NRXN3: variants seen among roughly 807,000 people sequenced by gnomAD.
The protein encoded by NRXN3 is neurexin 3.
Under a neutral mutation model 137.6 loss-of-function variants are expected in NRXN3, and 32 were observed. The ratio of observed to expected loss-of-function variants is 0.23; its 90% CI spans 0.18 to 0.31. NRXN3 has a LOEUF of 0.31. Among genes scored for constraint, NRXN3 ranks in the 10% least tolerant of loss-of-function variants. The pLI is 1.00. For synonymous variants in NRXN3, 798 were observed against 784.5 expected (o/e 1.02, Z -0.29); for missense variants, 1,574 against 2,062.5 (o/e 0.76, Z 4.59).
chr14:79,256,833 C>CCT (rs1431026071), intron 15 of NRXN3, among the ~76,000 whole-genome samples: 2 of 152,138 alleles, frequency 1.3e-5, no homozygotes, highest in African/African-American at 4.8e-5. Context: ...AGTAGGCAGA[C>CCT]CTCTGTTAAG....
chr14:78,206,772 G>T (rs1459641832), intron 1 of NRXN3, among the ~76,000 whole-genome samples: 1 of 152,200 alleles, frequency 6.6e-6, no homozygotes, highest in African/African-American at 2.4e-5. Flanking sequence ...CCAAACTGTG[G>T]CTCAAAGTGG....
chr14:79,751,087 G>T (rs2098995939), intron 19 of NRXN3, among the ~76,000 whole-genome samples: 1 of 151,996 alleles, frequency 6.6e-6, no homozygotes, highest in Non-Finnish European at 1.5e-5. Flanking sequence ...CTTTAAAGTA[G>T]TTTTTTCCAA....
At chr14:78,348,390 C>T (rs2083028036) in intron 4 of NRXN3, among the ~76,000 whole-genome samples, 1 of 152,168 alleles carries the variant, frequency 6.6e-6, no homozygotes, top group African/African-American at 2.4e-5. Flanking sequence ...TTAGTTTACT[C>T]TTTCAAGGGC....
intron 19 of NRXN3, among the ~76,000 whole-genome samples, chr14:79,717,280 C>G (rs2154058125): frequency 6.6e-6 from 1 of 152,300 alleles, no homozygotes; most frequent in East Asian, 1.9e-4. Context: ...CATGCTGACT[C>G]CAAAAGAACC....
intron 15 of NRXN3, among the ~76,000 whole-genome samples, chr14:79,265,621 T>C (rs2078346188): frequency 6.6e-6 from 1 of 152,184 alleles, no homozygotes; most frequent in African/African-American, 2.4e-5. Context: ...CCCAATAGCA[T>C]ACTGTCCTTT....
At chr14:78,576,686 G>A (rs7159049) in intron 4 of NRXN3, among the ~76,000 whole-genome samples, 10,741 of 152,158 alleles carry the variant, frequency 0.071, 655 homozygotes, top group African/African-American at 0.16. Context: ...ACATCACAAA[G>A]CAAATCATGT....
At chr14:78,635,988 T>C (rs1489716282) in intron 4 of NRXN3, among the ~76,000 whole-genome samples, 1 of 152,144 alleles carries the variant, frequency 6.6e-6, no homozygotes, top group Non-Finnish European at 1.5e-5. Context: ...CTATTATCCC[T>C]CCAGTCACAG....
chr14:79,220,755 A>G (rs573871243), intron 15 of NRXN3, among the ~76,000 whole-genome samples: 15 of 151,866 alleles, frequency 9.9e-5, no homozygotes, highest in Non-Finnish European at 1.9e-4. Flanking sequence ...TAATATATAC[A>G]TATATATTTT....
At chr14:78,578,059 T>C (rs1027704690) in intron 4 of NRXN3, among the ~76,000 whole-genome samples, 12 of 152,268 alleles carry the variant, frequency 7.9e-5, no homozygotes, top group South Asian at 4.2e-4. Context: ...TATATATATA[T>C]ACACACATAT....
At chr14:78,825,535 A>G (rs1022550464) in intron 10 of NRXN3, among the ~76,000 whole-genome samples, 7 of 152,248 alleles carry the variant, frequency 4.6e-5, no homozygotes, top group African/African-American at 1.7e-4. Flanking sequence ...TATGTTTTCC[A>G]TACCAGCATC....
At chr14:79,437,078 G>A (rs577351807) in intron 15 of NRXN3, among the ~76,000 whole-genome samples, 7 of 152,096 alleles carry the variant, frequency 4.6e-5, no homozygotes, top group East Asian at 1.9e-4. Context: ...AGGCCCTTCC[G>A]AATCTATCTC....
chr14:78,299,784 C>T (rs187341516), intron 4 of NRXN3, among the ~76,000 whole-genome samples: 10 of 152,178 alleles, frequency 6.6e-5, no homozygotes, highest in South Asian at 4.2e-4. Context: ...AACCATGCTC[C>T]GGGGGAATAA....
intron 15 of NRXN3, among the ~76,000 whole-genome samples, chr14:79,335,910 C>CT (rs777617507): frequency 6.6e-6 from 1 of 152,042 alleles, no homozygotes; most frequent in Non-Finnish European, 1.5e-5. Flanking sequence ...CCATTTATCC[C>CT]TTTTGTGCAT....
intron 15 of NRXN3, among the ~76,000 whole-genome samples, chr14:79,212,867 CTT>C (rs200773063): frequency 1.4e-5 from 2 of 143,176 alleles, no homozygotes; most frequent in Non-Finnish European, 3.1e-5. Context: ...CCTTGGAATG[CTT>C]TTTTTTTTTT....
chr14:78,327,635 A>T (rs1394278073), intron 4 of NRXN3, among the ~76,000 whole-genome samples: 1 of 152,188 alleles, frequency 6.6e-6, no homozygotes, highest in Admixed American at 6.6e-5. Context: ...GCAAATATTT[A>T]TGGAATGCCT....
intron 4 of NRXN3, among the ~76,000 whole-genome samples, chr14:78,473,901 G>A (rs186418568): frequency 1.6e-4 from 24 of 152,240 alleles, no homozygotes; most frequent in Non-Finnish European, 2.5e-4. Flanking sequence ...CTATTACAAG[G>A]GACCCAAAAG....
chr14:78,827,229 G>T (rs1416904098), intron 10 of NRXN3, among the ~76,000 whole-genome samples: 1 of 148,748 alleles, frequency 6.7e-6, no homozygotes, highest in Non-Finnish European at 1.5e-5. Context: ...TCACACCAAT[G>T]TACTATTGCT....
chr14:79,117,826 A>G (rs2054720965), intron 15 of NRXN3, among the ~76,000 whole-genome samples: 1 of 152,238 alleles, frequency 6.6e-6, no homozygotes, highest in South Asian at 2.1e-4. Flanking sequence ...GAAAAATAAG[A>G]AACAGTCATT....
intron 1 of NRXN3, among the ~76,000 whole-genome samples, chr14:78,239,589 A>G (rs2066812924): frequency 6.6e-6 from 1 of 152,216 alleles, no homozygotes; most frequent in South Asian, 2.1e-4. Flanking sequence ...CTGTTCTTCA[A>G]GTATACCAGC....
Sources: gnomAD v4.1 joint callset for allele counts (sites outside exome capture counted in the v4.1 genomes callset) on GRCh38, gnomAD v4.1.1 for gene constraint, MANE v1.5 for transcripts, NCBI Gene and HGNC (gene_info 2026-07-23, HGNC 2026-07-21) for gene names.